Variants in ARVCF observed in about 807,000 individuals in gnomAD.
ARVCF encodes the protein ARVCF delta catenin family member.
Under a neutral mutation model 90.9 loss-of-function variants are expected in ARVCF, and 66 were observed. The observed-to-expected ratio is 0.73, with a 90% CI of 0.60 to 0.89. The LOEUF is 0.89. Ranked by LOEUF, ARVCF falls within the 40% of genes least tolerant of loss-of-function variation. The pLI, the probability that ARVCF is intolerant of heterozygous loss-of-function variation, is 0.00. For synonymous variants in ARVCF, 653 were observed against 603.4 expected, an observed-to-expected ratio of 1.08 and a Z score of -1.21; for missense variants, 1,469 against 1,382.3, an observed-to-expected ratio of 1.06 and a Z score of -1.00.
intron 11 of ARVCF, among the ~76,000 whole-genome samples, chr22:19,975,237 G>A (rs1419265599): frequency 6.6e-6 from 1 of 152,180 alleles, no homozygotes; most frequent in Non-Finnish European, 1.5e-5. Flanking sequence ...CCAGATCCCA[G>A]CATACAGCCC....
chr22:20,004,660 A>G (rs1164336187), intron 2 of ARVCF, among the ~76,000 whole-genome samples: 1 of 152,228 alleles, frequency 6.6e-6, no homozygotes, highest in Non-Finnish European at 1.5e-5. Flanking sequence ...ACAAAGCTAC[A>G]GTAATCAAAA....
chr22:19,968,392 G>A (rs898061935), downstream of ARVCF: 12 of 783,158 alleles, frequency 1.5e-5, no homozygotes, highest in Admixed American at 1.2e-4. Flanking sequence ...CAGGAGTCAC[G>A]CTGGGCAGAA....
chr22:19,991,564 A>C (rs1944027105), intron 2 of ARVCF, among the ~76,000 whole-genome samples: 2 of 152,218 alleles, frequency 1.3e-5, no homozygotes, highest in Non-Finnish European at 2.9e-5. Flanking sequence ...CATCCAGAAA[A>C]GGGCAGGGGC....
intron 3 of ARVCF, among the ~76,000 whole-genome samples, chr22:19,984,040 C>T (rs761123544): frequency 1.3e-5 from 2 of 152,180 alleles, no homozygotes; most frequent in Non-Finnish European, 2.9e-5. Flanking sequence ...GGGCGGGGCT[C>T]ATCTGAGTTC....
chr22:19,970,948 G>A (rs1261905075), intron 19 of ARVCF, among the ~76,000 whole-genome samples: 2 of 152,148 alleles, frequency 1.3e-5, no homozygotes, highest in African/African-American at 4.8e-5. Context: ...GCGTTGGAGG[G>A]TATGGTGCCC....
At chr22:19,970,923 G>A (rs1287383229) in intron 19 of ARVCF, among the ~76,000 whole-genome samples, 180 bp from the exon 20 acceptor site, 1 of 152,198 alleles carries the variant, frequency 6.6e-6, no homozygotes, top group Non-Finnish European at 1.5e-5. Context: ...ATCCTGACTT[G>A]CTGGTCCCCG....
At chr22:19,978,664 G>A (rs990875822) in intron 7 of ARVCF, among the ~76,000 whole-genome samples, 4 of 152,112 alleles carry the variant, frequency 2.6e-5, no homozygotes, top group African/African-American at 9.7e-5. Context: ...GCTGGGCAGG[G>A]CTACGGTACC....
At chr22:19,995,837 T>C (rs1944230907) in intron 2 of ARVCF, among the ~76,000 whole-genome samples, 1 of 151,950 alleles carries the variant, frequency 6.6e-6, no homozygotes, top group South Asian at 2.1e-4. Context: ...CCTCCTCCCA[T>C]ACCCCCTTTC....
chr22:19,991,841 C>CCCGGAGCACAGTGAGCATGG (rs1234796539), intron 2 of ARVCF, among the ~76,000 whole-genome samples: 1 of 152,272 alleles, frequency 6.6e-6, no homozygotes, highest in Non-Finnish European at 1.5e-5. Flanking sequence ...GGCCACACTG[C>CCCGGAGCACAGTGAGCATGG]CCGGAGCACA....
intron 2 of ARVCF, among the ~76,000 whole-genome samples, chr22:20,006,964 A>C (rs1042425585): frequency 1.3e-5 from 2 of 152,000 alleles, no homozygotes; most frequent in Non-Finnish European, 2.9e-5. Context: ...TCAAAGGTAA[A>C]AATTTAAGGC....
chr22:19,970,647 C>G lies in ARVCF; in HGVS notation c.*109G>C. On this transcript the variant is annotated 3_prime_UTR_variant, in exon 20 of 20. Transcript: ENST00000263207. ...GGCTGGGGCGAGGCGCTGCCAACCC[C>G]TGCCGCCAGGGGGCTCCAAGCTCCA... 2 of 1,284,168 alleles carry G rather than the reference C, an allele frequency of 1.6e-6. No homozygotes were observed. The highest frequency in any genetic ancestry group is 2.0e-6 in the Non-Finnish European group (2 of 986,454). The allele number at this position is 1,284,168 out of a possible 1,614,324, so 79.5% of individuals were successfully genotyped here.
intron 13 of ARVCF, 88 bp from the exon 14 acceptor site, chr22:19,973,405 C>G: frequency 6.9e-7 from 1 of 1,450,428 alleles, no homozygotes; most frequent in South Asian, 1.3e-5. Flanking sequence ...GGGGCACTGC[C>G]AGGAGAGCCC....
Position 19,982,022 on chromosome 22 carries a change from C to A in ARVCF, c.280G>T (p.Val94Leu), listed in dbSNP as rs371690919. 6.2e-7 allele frequency: 1 copy of A among 1,612,980 alleles called. No individual in the cohort carries two copies. Among genetic ancestry groups the A allele is most frequent in the South Asian group, 1.1e-5 (1 of 91,080 alleles). The change falls in exon 4 of 20, where the codon GTG (valine) becomes TTG (leucine). Residue 94 changes from valine to leucine, a missense_variant. Coordinates refer to ENST00000263207, the MANE Select transcript of ARVCF (RefSeq NM_001670.3). ...GTGCCGGGGTCCTCCTCCACCGTCA[C>A]GGTCTCCTCCAGCACATCAGGTGCC... ...PEAPDVLEET[V>L]TVEEDPGTPT...
chr22:19,975,362 C>T (rs1943093112), intron 11 of ARVCF, among the ~76,000 whole-genome samples: 1 of 152,242 alleles, frequency 6.6e-6, no homozygotes, highest in South Asian at 2.1e-4. Flanking sequence ...GTGGCTAACA[C>T]AGGAGGCCCT....
intron 1 of ARVCF, among the ~76,000 whole-genome samples, chr22:20,015,321 G>C (rs1354934329): frequency 1.3e-5 from 2 of 152,192 alleles, no homozygotes; most frequent in African/African-American, 4.8e-5. Flanking sequence ...TTGCGGATAG[G>C]ATGGGGCAAG....
intron 16 of ARVCF, 106 bp downstream of exon 16, chr22:19,972,631 C>A: frequency 1.5e-6 from 2 of 1,292,132 alleles, no homozygotes; most frequent in Non-Finnish European, 2.1e-6. Context: ...CCTATGGAAG[C>A]CGTCTCAGTG....
At chr22:19,969,829 C>A (rs908033083), downstream of ARVCF, 18 of 984,978 alleles carry the variant, frequency 1.8e-5, no homozygotes, top group African/African-American at 3.0e-4. Flanking sequence ...GCCCCAGACG[C>A]GCAGAGGCCC....
At chr22:19,966,222 G>GC (rs1377866035), downstream of ARVCF, among the ~76,000 whole-genome samples, 1 of 152,120 alleles carries the variant, frequency 6.6e-6, no homozygotes, top group Non-Finnish European at 1.5e-5. Flanking sequence ...GGGGCCCTGT[G>GC]CCCCCTTGTG....
At chr22:19,983,411 C>A (rs1275079827) in intron 3 of ARVCF, among the ~76,000 whole-genome samples, 1 of 152,232 alleles carries the variant, frequency 6.6e-6, no homozygotes, top group East Asian at 1.9e-4. Flanking sequence ...TCAGGACCTG[C>A]CTGCCAAGGC....
Sources: allele counts gnomAD v4.1 joint callset (sites outside exome capture counted in the v4.1 genomes callset), GRCh38; gene constraint gnomAD v4.1.1; transcripts MANE v1.5; gene names NCBI Gene and HGNC (gene_info 2026-07-23, HGNC 2026-07-21).